Variants in TERF1 observed in about 807,000 individuals in gnomAD.
The protein encoded by TERF1 is telomeric repeat binding factor 1.
A neutral mutation model predicts 55.1 loss-of-function variants in TERF1; 20 were observed. The observed-to-expected ratio is 0.36, with a 90% confidence interval of 0.26 to 0.53. TERF1 has a LOEUF of 0.53. Among genes scored for constraint, TERF1 ranks in the 20% least tolerant of loss-of-function variants. TERF1 has a pLI of 0.91. For missense variants in TERF1, 439 were observed against 535.7 expected (o/e 0.82, Z 1.78); for synonymous variants, 168 against 181.2 (o/e 0.93, Z 0.59).
intron 9 of TERF1, among the ~76,000 whole-genome samples, chr8:73,045,579 A>T (rs1054921499): frequency 6.6e-6 from 1 of 152,198 alleles, no homozygotes. Flanking sequence ...CACTGAGTTC[A>T]TTAGTGAACT....
rs1477072090 is a variant in TERF1, at chr8:73,048,038, A to G, written c.*1901A>G. On this transcript the variant is annotated 3_prime_UTR_variant, in exon 10 of 10. Transcript: ENST00000276603. ...AGAGCTATTTTAGATGTATTTAAAC[A>G]TAAGATTTTTATCACATAACTTGTG... is the stretch of plus-strand genomic sequence containing the variant. 1 of 152,254 alleles carries G rather than the reference A, an allele frequency of 6.6e-6. No individual in the cohort carries two copies. Among genetic ancestry groups the G allele is most frequent in the African/African-American group, 2.4e-5 (1 of 41,468 alleles). The allele number at this position is 152,254 out of a possible 1,614,324, so 9.4% of individuals were successfully genotyped here.
chr8:73,015,578 C>T (rs1205137725), intron 2 of TERF1, among the ~76,000 whole-genome samples: 1 of 152,038 alleles, frequency 6.6e-6, no homozygotes, highest in Non-Finnish European at 1.5e-5. Context: ...TGATTCACGC[C>T]TGTAATCCCA....
intron 9 of TERF1, among the ~76,000 whole-genome samples, chr8:73,044,329 A>C (rs1809949164): frequency 6.6e-6 from 1 of 152,208 alleles, no homozygotes; most frequent in Non-Finnish European, 1.5e-5. Context: ...TTTAAGTCAC[A>C]AAGCAGAGGA....
intron 4 of TERF1, among the ~76,000 whole-genome samples, chr8:73,023,605 A>C (rs1457267663): frequency 2.0e-5 from 3 of 152,144 alleles, no homozygotes; most frequent in Non-Finnish European, 4.4e-5. Context: ...TAGCACTATG[A>C]GACTACTGAA....
chr8:73,037,828 GTATAATAAT>G (rs1809650770), intron 8 of TERF1, among the ~76,000 whole-genome samples: 1 of 77,800 alleles, frequency 1.3e-5, no homozygotes, highest in Non-Finnish European at 2.5e-5. Flanking sequence ...ATAATATATA[GTATAATAAT>G]ATATATAATA....
At chr8:73,045,914 T>C (rs750431624) in intron 9 of TERF1, 47 bp from the exon 10 acceptor site, 1 of 1,407,910 alleles carries the variant, frequency 7.1e-7, no homozygotes, top group South Asian at 1.8e-5. Flanking sequence ...GTATTTTCTT[T>C]TTGAATAATT....
intron 2 of TERF1, among the ~76,000 whole-genome samples, chr8:73,014,788 A>G (rs142102242): frequency 6.6e-6 from 1 of 152,320 alleles, no homozygotes; most frequent in African/African-American, 2.4e-5. Context: ...CCTTCACTAA[A>G]GTATCTCTGG....
At chr8:73,037,515 A>G (rs1279841906) in intron 8 of TERF1, among the ~76,000 whole-genome samples, 2 of 102,084 alleles carry the variant, frequency 2.0e-5, no homozygotes, top group East Asian at 5.4e-4. Flanking sequence ...TATTTGGAAT[A>G]AAATATATAA....
intron 5 of TERF1, among the ~76,000 whole-genome samples, chr8:73,025,490 C>T (rs936630962): frequency 3.3e-5 from 5 of 151,294 alleles, no homozygotes; most frequent in African/African-American, 7.3e-5. Flanking sequence ...CGGTGGCTCA[C>T]GCCTGTAATC....
chr8:73,013,439 T>C (rs913870919), intron 1 of TERF1, among the ~76,000 whole-genome samples: 2 of 152,266 alleles, frequency 1.3e-5, no homozygotes, highest in East Asian at 3.8e-4. Context: ...ATGTAATCAC[T>C]GCCTGACTCA....
intron 9 of TERF1, among the ~76,000 whole-genome samples, chr8:73,041,599 T>C (rs1802891600): frequency 6.6e-6 from 1 of 152,184 alleles, no homozygotes; most frequent in African/African-American, 2.4e-5. Context: ...AAAACCTCAG[T>C]TGGTTAGGTT....
At chr8:73,037,893 AATAT>A (rs1321554453) in intron 8 of TERF1, among the ~76,000 whole-genome samples, 1 of 122,240 alleles carries the variant, frequency 8.2e-6, no homozygotes, top group Non-Finnish European at 1.6e-5. Flanking sequence ...TATGATATAT[AATAT>A]ATATAAATAT....
chr8:73,037,586 T>C (rs1178597436), intron 8 of TERF1, among the ~76,000 whole-genome samples: 1 of 111,484 alleles, frequency 9.0e-6, no homozygotes, highest in East Asian at 2.2e-4. Context: ...TTATATATAA[T>C]ATATATAACA....
rs924738357 is a variant in TERF1, at chr8:73,047,565, C to G, written c.*1428C>G. 1 of 152,120 alleles carries G rather than the reference C, an allele frequency of 6.6e-6. No homozygotes were observed. The highest frequency in any genetic ancestry group is 1.5e-5 in the Non-Finnish European group (1 of 68,022). The allele number at this position is 152,120 out of a possible 1,614,324, so 9.4% of individuals were successfully genotyped here. A position where few individuals can be genotyped will look rare whatever the true frequency, so the allele number is the denominator to read the frequency against. Reference sequence around the variant, plus strand: ...AGACTAACAGAATTATTTAGCATTTCGAGTCATGTGCTTTATTTAGCAAGT... The same window carrying G: ...AGACTAACAGAATTATTTAGCATTTGGAGTCATGTGCTTTATTTAGCAAGT... On this transcript the variant is annotated 3_prime_UTR_variant, in exon 10 of 10. Coordinates refer to ENST00000276603, the MANE Select transcript of TERF1 (RefSeq NM_017489.3).
At chr8:73,017,514 C>T (rs1283311794) in intron 2 of TERF1, among the ~76,000 whole-genome samples, 1 of 152,102 alleles carries the variant, frequency 6.6e-6, no homozygotes, top group Non-Finnish European at 1.5e-5. Context: ...AAGTGTTCTC[C>T]TTCCCATCCT....
intron 9 of TERF1, 97 bp from the exon 10 acceptor site, chr8:73,045,864 A>C: frequency 1.1e-6 from 1 of 921,164 alleles, no homozygotes; most frequent in South Asian, 2.6e-5. Flanking sequence ...TTAAGAAACT[A>C]AGCATTATTT....
chr8:73,026,474 T>TG (rs1344462868), intron 5 of TERF1, among the ~76,000 whole-genome samples: 1 of 152,230 alleles, frequency 6.6e-6, no homozygotes, highest in Non-Finnish European at 1.5e-5. Flanking sequence ...CACTCCAGCC[T>TG]GGGTGACAGA....
At chr8:73,009,332 C>A (rs1030703815) in intron 1 of TERF1, 127 bp downstream of exon 1, 14 of 855,878 alleles carry the variant, frequency 1.6e-5, no homozygotes, top group Non-Finnish European at 2.4e-5. Flanking sequence ...GCTGGGAGTC[C>A]GAGGCTCCGG....
chr8:73,028,595 T>TA (rs1554555224), intron 6 of TERF1, among the ~76,000 whole-genome samples: 14 of 149,114 alleles, frequency 9.4e-5, no homozygotes, highest in African/African-American at 2.7e-4. Context: ...TTTTTTTTTT[T>TA]ACATACAGTC....
Sources: allele counts gnomAD v4.1 joint callset (sites outside exome capture counted in the v4.1 genomes callset), GRCh38; gene constraint gnomAD v4.1.1; transcripts MANE v1.5; gene names NCBI Gene and HGNC (gene_info 2026-07-23, HGNC 2026-07-21).